The following TEX9 variants were observed in gnomAD, a reference collection of about 807,000 sequenced individuals.
The protein encoded by TEX9 is testis-expressed protein 9.
A neutral mutation model predicts 59.6 loss-of-function variants in TEX9; 74 were observed. That is an observed-to-expected ratio of 1.24 (90% CI 1.03 to 1.51). The LOEUF is 1.51. Ranked by LOEUF, TEX9 falls within the 40% of genes most tolerant of loss-of-function variation. The pLI is 0.00. For missense variants in TEX9, 522 were observed against 447.8 expected (o/e 1.17, Z -1.49); for synonymous variants, 186 against 152.2 (o/e 1.22, Z -1.64).
chr15:56,376,665 C>G (rs570198495), intron 3 of TEX9, among the ~76,000 whole-genome samples: 1 of 151,912 alleles, frequency 6.6e-6, no homozygotes, highest in East Asian at 1.9e-4. Flanking sequence ...CTACCCTTGT[C>G]GATGGGTAGT....
intron 1 of TEX9, among the ~76,000 whole-genome samples, chr15:56,267,892 G>A (rs1015205931): frequency 1.4e-4 from 22 of 152,154 alleles, no homozygotes; most frequent in Non-Finnish European, 2.8e-4. Context: ...GATGGGGATG[G>A]CATTGAATCT....
chr15:56,389,186 A>G, intron 5 of TEX9, 132 bp from the exon 6 acceptor site: 1 of 722,152 alleles, frequency 1.4e-6, no homozygotes, highest in Non-Finnish European at 2.4e-6. Context: ...TTGAAAACAC[A>G]TTTTTGGTAA....
At chr15:56,340,099 T>C (rs1206400635) in intron 1 of TEX9, among the ~76,000 whole-genome samples, 2 of 152,182 alleles carry the variant, frequency 1.3e-5, no homozygotes, top group African/African-American at 4.8e-5. Flanking sequence ...TACTAATCTT[T>C]GCCATTCCCC....
intron 1 of TEX9, among the ~76,000 whole-genome samples, chr15:56,260,774 G>A (rs2141343725): frequency 6.6e-6 from 1 of 151,998 alleles, no homozygotes; most frequent in African/African-American, 2.4e-5. Context: ...TGAATTAGGA[G>A]GAAGCGTTTT....
chr15:56,373,492 T>G, exon 3 of TEX9: 9 of 1,570,720 alleles, frequency 5.7e-6, no homozygotes, highest in Non-Finnish European at 7.7e-6. Flanking sequence ...TTCAACAAGC[T>G]AAGGAAATAA....
intron 1 of TEX9, among the ~76,000 whole-genome samples, chr15:56,328,782 A>G (rs2046080543): frequency 6.6e-6 from 1 of 152,136 alleles, no homozygotes; most frequent in Non-Finnish European, 1.5e-5. Flanking sequence ...ATAGAACACC[A>G]GATAGATTTC....
chr15:56,252,531 A>G (rs368269164), intron 1 of TEX9, among the ~76,000 whole-genome samples: 1 of 152,090 alleles, frequency 6.6e-6, no homozygotes, highest in East Asian at 1.9e-4. Context: ...TGTCTCCATG[A>G]CTTTACAAAA....
chr15:56,347,485 A>G (rs2682029), intron 1 of TEX9, among the ~76,000 whole-genome samples: 77,038 of 151,674 alleles, frequency 0.51, 19,716 homozygotes, highest in Non-Finnish European at 0.55. Context: ...GGATAAATAT[A>G]GCCTTTTCAA....
In TEX9 at chr15:56,426,618, TATATATATAC is replaced by T. The variant is rs1596239480; in HGVS notation, c.964-985_964-976del. Reference sequence around the variant, plus strand: ...ATATATATATATATATATATATATATATATATATACACACACACAAACACACACACACACA... The same window carrying T: ...ATATATATATATATATATATATATATACACACACAAACACACACACACACA... On this transcript the variant is annotated intron_variant, in intron 10 of 12. Transcript: ENST00000352903. Among the ~76,000 whole-genome samples, 10 of 49,144 alleles carry T rather than the reference TATATATATAC, an allele frequency of 2.0e-4. 1 individual carries two copies. In the South Asian group the frequency reaches 2.8e-3, roughly 14 times the overall value. The allele number at this position is 49,144 out of a possible 152,430, so 32.2% of individuals were successfully genotyped here. A position where few individuals can be genotyped will look rare whatever the true frequency, so the allele number is the denominator to read the frequency against.
chr15:56,249,466 G>A (rs1161079262), intron 1 of TEX9, among the ~76,000 whole-genome samples: 1 of 147,074 alleles, frequency 6.8e-6, no homozygotes, highest in African/African-American at 2.5e-5. Context: ...AGGGAGGGAG[G>A]GAAGAAAGGA....
At chr15:56,413,297 T>A (rs897541961) in intron 10 of TEX9, among the ~76,000 whole-genome samples, 41 of 73,358 alleles carry the variant, frequency 5.6e-4, no homozygotes, top group Non-Finnish European at 1.3e-3. Flanking sequence ...AATAATAAAT[T>A]ATTTAATTTA....
intron 1 of TEX9, among the ~76,000 whole-genome samples, chr15:56,275,824 G>A (rs1165678326): frequency 6.6e-6 from 1 of 151,832 alleles, no homozygotes; most frequent in Non-Finnish European, 1.5e-5. Flanking sequence ...AAAAAAAATT[G>A]TATCTTTTTT....
intron 1 of TEX9, among the ~76,000 whole-genome samples, chr15:56,347,679 A>T (rs2046498120): frequency 6.6e-6 from 1 of 152,254 alleles, no homozygotes; most frequent in Non-Finnish European, 1.5e-5. Context: ...AACACAGGTG[A>T]GAATCTTCAG....
intron 1 of TEX9, among the ~76,000 whole-genome samples, chr15:56,329,125 C>G (rs1363935886): frequency 2.0e-5 from 3 of 152,144 alleles, no homozygotes; most frequent in Non-Finnish European, 4.4e-5. Flanking sequence ...GGGGAGAGAA[C>G]AAGAGTCTCT....
At chr15:56,438,369 A>AC (rs2050763902) in intron 12 of TEX9, among the ~76,000 whole-genome samples, 1 of 152,118 alleles carries the variant, frequency 6.6e-6, no homozygotes, top group Non-Finnish European at 1.5e-5. Flanking sequence ...TTTGTTACAA[A>AC]CCTGACAAAA....
rs1175303184 is a variant in TEX9 at position 56,324,196 on chromosome 15, G to A, written c.-106-49245G>A. Among the ~76,000 whole-genome samples, 4 of 149,256 alleles carry A rather than the reference G, an allele frequency of 2.7e-5. No homozygotes were observed. In the East Asian group the frequency reaches 5.8e-4, roughly 22 times the overall value. On this transcript the variant is annotated intron_variant, in intron 1 of 5. Transcript: ENST00000560827. ...TCTGTAATTGCAAAAAAAAAAAGTC[G>A]CAGTGGTTTTGTTGCCATTCTGAAT...
At chr15:56,379,028 C>T (rs766071951) in intron 3 of TEX9, among the ~76,000 whole-genome samples, 1 of 138,676 alleles carries the variant, frequency 7.2e-6, no homozygotes, top group Non-Finnish European at 1.5e-5. Context: ...CATGCCACTG[C>T]ACTACAGCCT....
chr15:56,301,139 G>T (rs114756056), intron 1 of TEX9, among the ~76,000 whole-genome samples: 1 of 152,202 alleles, frequency 6.6e-6, no homozygotes, highest in South Asian at 2.1e-4. Context: ...TCAGAATTCC[G>T]TCAGGTTAAT....
At chr15:56,432,488 T>C (rs1487736194) in intron 12 of TEX9, among the ~76,000 whole-genome samples, 1 of 152,162 alleles carries the variant, frequency 6.6e-6, no homozygotes. Context: ...ATGAGTTTCA[T>C]CACGAAGATC....
Sources: allele counts gnomAD v4.1 joint callset (sites outside exome capture counted in the v4.1 genomes callset), GRCh38; gene constraint gnomAD v4.1.1; transcripts MANE v1.5; gene names NCBI Gene and HGNC (gene_info 2026-07-23, HGNC 2026-07-21).